The following FHAD1 variants were observed in gnomAD, a reference collection of about 807,000 sequenced individuals.
FHAD1 encodes the protein forkhead-associated domain-containing protein 1.
Under a neutral mutation model 191.3 loss-of-function variants are expected in FHAD1, and 146 were observed. That is an observed-to-expected ratio of 0.76 (90% CI 0.67 to 0.88). FHAD1 has a LOEUF of 0.88. Ranked by LOEUF, FHAD1 falls within the 40% of genes least tolerant of loss-of-function variation. FHAD1 has a pLI of 0.00. For synonymous variants in FHAD1, 616 were observed against 672.3 expected (o/e 0.92, Z 1.29); for missense variants, 1,635 against 1,785.8 (o/e 0.92, Z 1.52).
intron 6 of FHAD1, among the ~76,000 whole-genome samples, chr1:15,305,235 A>G (rs1670086028): frequency 6.6e-6 from 1 of 152,170 alleles, no homozygotes; most frequent in Non-Finnish European, 1.5e-5. Flanking sequence ...ACTTATGAAA[A>G]TGCTTTCAAC....
At position 15,382,023 on chromosome 1, in the gene FHAD1, C is replaced by T; in HGVS notation, c.4023-5C>T. 6.4e-7 allele frequency: 1 copy of T among 1,551,922 alleles called. No individual in the cohort carries two copies. The highest frequency in any genetic ancestry group is 1.4e-5 in the African/African-American group (1 of 73,088). On this transcript the variant is annotated splice_polypyrimidine_tract_variant and splice_region_variant and intron_variant, in intron 30 of 33. Transcript: ENST00000688493. ...AAACAGACGCCATCTCTCCTGTGCA[C>T]CCAGGCGGAGCAAAGTGTCCATTGA...
intron 14 of FHAD1, among the ~76,000 whole-genome samples, chr1:15,339,270 C>G (rs895630022): frequency 2.6e-5 from 4 of 152,178 alleles, no homozygotes; most frequent in Non-Finnish European, 5.9e-5. Flanking sequence ...ATCTGCCCAT[C>G]TCAGCCTCCC....
At chr1:15,367,326 T>A (rs1696788863) in intron 24 of FHAD1, 137 bp from the exon 25 acceptor site, 7 of 952,388 alleles carry the variant, frequency 7.3e-6, no homozygotes, top group Non-Finnish European at 1.1e-5. Context: ...TGAAACCCTG[T>A]CTCTACTAAA....
chr1:15,356,354 A>G (rs1307213158), intron 20 of FHAD1, among the ~76,000 whole-genome samples: 1 of 152,194 alleles, frequency 6.6e-6, no homozygotes. Flanking sequence ...ACATGCGGTT[A>G]TAGCCCTTTG....
intron 24 of FHAD1, among the ~76,000 whole-genome samples, chr1:15,366,534 T>C (rs893140341): frequency 3.3e-5 from 5 of 152,226 alleles, no homozygotes; most frequent in Non-Finnish European, 5.9e-5. Flanking sequence ...AGCACAGATT[T>C]GCTTCTGGAA....
chr1:15,337,365 C>G (rs377701044), intron 14 of FHAD1, among the ~76,000 whole-genome samples: 35 of 152,238 alleles, frequency 2.3e-4, no homozygotes, highest in African/African-American at 8.2e-4. Context: ...CACCATTCTA[C>G]CCCTTTAAAA....
chr1:15,390,084 G>T lies in FHAD1; in HGVS notation c.4270-1126G>T, dbSNP rs562914767. Among the ~76,000 whole-genome samples the T allele has an allele frequency of 9.2e-5, 14 of 152,194 alleles. No individual in the cohort carries two copies. The East Asian group carries it at 2.3e-3, about 25-fold the overall frequency. ...CTTTTGGCAGGGCATGGTGGCTCAC[G>T]CCTGTAATTCCAGCACTTTGGGAGG... On this transcript the variant is annotated intron_variant, in intron 32 of 33. Coordinates refer to ENST00000688493, the MANE Select transcript of FHAD1 (RefSeq NM_001391957.1).
intron 1 of FHAD1, among the ~76,000 whole-genome samples, chr1:15,248,392 G>T (rs764983513): frequency 2.3e-4 from 31 of 135,004 alleles, no homozygotes; most frequent in Non-Finnish European, 5.1e-4. Context: ...AGCAGGCACT[G>T]TGAGCTCATG....
chr1:15,316,540 C>A lies in FHAD1; in HGVS notation c.1260+73C>A. 2 of 1,262,994 alleles carry A rather than the reference C, an allele frequency of 1.6e-6. No individual in the cohort carries two copies. The highest frequency in any genetic ancestry group is 2.2e-6 in the Non-Finnish European group (2 of 890,874). The allele number at this position is 1,262,994 out of a possible 1,614,324, so 78.2% of individuals were successfully genotyped here. A position where few individuals can be genotyped will look rare whatever the true frequency, so the allele number is the denominator to read the frequency against. Reference sequence around the variant, plus strand: ...TTGACCTTGAGGTTCTTGGTGGGATCCTGGGCCATCACTAAGCATGAAGCT... The same window carrying A: ...TTGACCTTGAGGTTCTTGGTGGGATACTGGGCCATCACTAAGCATGAAGCT... On this transcript the variant is annotated intron_variant, in intron 9 of 33. Coordinates refer to ENST00000688493, the MANE Select transcript of FHAD1 (RefSeq NM_001391957.1). The surrounding 1 kb of genome is among the most constrained non-coding windows in gnomAD (Gnocchi z 4.3).
chr1:15,389,809 A>T (rs760343442), intron 32 of FHAD1, among the ~76,000 whole-genome samples: 1 of 152,260 alleles, frequency 6.6e-6, no homozygotes, highest in Non-Finnish European at 1.5e-5. Context: ...TTTGAATTTC[A>T]GATAAATAAC....
rs1274254316 is a variant in FHAD1 at position 15,345,120 on chromosome 1, C to A, written c.2168C>A (p.Ala723Glu). The A allele has an allele frequency of 6.4e-7, 1 of 1,551,604 alleles. No individual in the cohort carries two copies. Among genetic ancestry groups the A allele is most frequent in the Non-Finnish European group, 8.7e-7 (1 of 1,147,010 alleles). The change falls in exon 17 of 34, where the codon GCG (alanine) becomes GAG (glutamate). Residue 723 changes from alanine to glutamate, a missense_variant. Ala to Glu is a moderately radical substitution (Grantham distance 107). Transcript: ENST00000688493. ...TACATTACTCAAGAGAGAAACAGAG[C>A]GAAAGAGACTTTAGAGGAAGAACGG... ...EEYITQERNR[A>E]KETLEEERKR...
chr1:15,346,627 A>G (rs1689014180), intron 18 of FHAD1, among the ~76,000 whole-genome samples: 1 of 152,180 alleles, frequency 6.6e-6, no homozygotes, highest in Admixed American at 6.5e-5. Flanking sequence ...AATGCATCCA[A>G]ACTAGCTTTT....
At position 15,289,539 on chromosome 1, in the gene FHAD1, C is replaced by T; in HGVS notation, c.441C>T (p.Ser147=). ...TCCAGCCAGCACCGATGCAAAGGAG[C>T]TGGTCCCAGGCCTTTCCCAGACCCA... ...QGVQPAPMQR[S]WSQAFPRPTV... Residue 147 remains serine (S), a synonymous_variant, in exon 4 of 34, where the codon AGC becomes AGT. Coordinates refer to ENST00000688493, the MANE Select transcript of FHAD1 (RefSeq NM_001391957.1). This position sits in a 1 kb window ranked among gnomAD's most constrained non-coding sequence, Gnocchi z 4.2. The T allele has an allele frequency of 6.4e-7, 1 of 1,551,894 alleles. No individual in the cohort carries two copies. Among genetic ancestry groups the T allele is most frequent in the East Asian group, 2.4e-5 (1 of 40,912 alleles).
At chr1:15,239,581 C>CT (rs1242860532) in intron 1 of FHAD1, among the ~76,000 whole-genome samples, 1 of 152,132 alleles carries the variant, frequency 6.6e-6, no homozygotes, top group African/African-American at 2.4e-5. Flanking sequence ...GAGCGAGACT[C>CT]TGTCTCAAAA....
intron 6 of FHAD1, among the ~76,000 whole-genome samples, chr1:15,302,637 T>C (rs1327768836): frequency 6.6e-6 from 1 of 151,786 alleles, no homozygotes; most frequent in African/African-American, 2.4e-5. Context: ...TAGAATGGCA[T>C]GAACCTGGGA....
rs1574129803 is a variant in FHAD1, at chr1:15,301,753, C to T, written c.915+312C>T. Reference sequence around the variant, plus strand: ...GGGTCTAAGGCAGGCCCAGGCCGGGCGCTGTGGCTCACACCTGTAATCTGG... The same window carrying T: ...GGGTCTAAGGCAGGCCCAGGCCGGGTGCTGTGGCTCACACCTGTAATCTGG... On this transcript the variant is annotated intron_variant, in intron 6 of 33. Coordinates refer to ENST00000688493, the MANE Select transcript of FHAD1 (RefSeq NM_001391957.1). Among the ~76,000 whole-genome samples, 4 of 152,338 alleles carry T rather than the reference C, an allele frequency of 2.6e-5. No individual in the cohort carries two copies. The South Asian group carries it at 8.3e-4, about 32-fold the overall frequency.
intron 31 of FHAD1, among the ~76,000 whole-genome samples, chr1:15,387,839 C>T (rs757150124): frequency 3.9e-5 from 6 of 152,156 alleles, no homozygotes; most frequent in South Asian, 2.1e-4. Context: ...GAGCCATCGT[C>T]GTGCCACTGC....
At chr1:15,377,512 A>G (rs772265286) in intron 28 of FHAD1, among the ~76,000 whole-genome samples, 1 of 152,210 alleles carries the variant, frequency 6.6e-6, no homozygotes, top group African/African-American at 2.4e-5. Flanking sequence ...GAAGTCCTCA[A>G]TCTTCCGACA....
intron 2 of FHAD1, 118 bp downstream of exon 2, chr1:15,251,995 C>A: frequency 1.2e-6 from 1 of 822,218 alleles, no homozygotes; most frequent in Non-Finnish European, 1.9e-6. Context: ...GGGCAAGCAG[C>A]CATACCTTTC....
Sources: gnomAD v4.1 joint callset for allele counts (sites outside exome capture counted in the v4.1 genomes callset) on GRCh38, gnomAD v4.1.1 for gene constraint, Gnocchi (gnomAD v3.1) non-coding constraint, MANE v1.5 for transcripts, NCBI Gene and HGNC (gene_info 2026-07-23, HGNC 2026-07-21) for gene names.